Variants in PDE11A observed in about 807,000 individuals in gnomAD.
The protein encoded by PDE11A is phosphodiesterase 11A, also known as dual 3',5'-cyclic-AMP and -GMP phosphodiesterase 11A.
PDE11A carries 100 observed loss-of-function variants against 100.5 expected under a neutral mutation model. That is an observed-to-expected ratio of 1.00 (90% confidence interval 0.85 to 1.18). The LOEUF (loss-of-function observed/expected upper bound fraction) is 1.18, where lower values mean the gene tolerates loss of function less well. PDE11A is among the 50% of genes most tolerant of loss of function. The probability of loss-of-function intolerance (pLI) is 0.00; values close to 1 mark genes in which losing one functional copy is unlikely to be tolerated. For missense variants in PDE11A, 1,141 were observed against 1,152.6 expected (o/e 0.99, Z 0.15); for synonymous variants, 381 against 420.8 (o/e 0.91, Z 1.16).
chr2:177,833,404 G>A (rs2083341924), intron 6 of PDE11A, among the ~76,000 whole-genome samples: 1 of 152,190 alleles, frequency 6.6e-6, no homozygotes, highest in Admixed American at 6.5e-5. Context: ...ATGTACCTGT[G>A]AGGAAGGAGA....
intron 1 of PDE11A, among the ~76,000 whole-genome samples, chr2:178,056,343 G>C (rs998124654): frequency 2.0e-5 from 3 of 152,194 alleles, no homozygotes; most frequent in Admixed American, 1.3e-4. Context: ...CAATGAGCCT[G>C]AGAATTGCTG....
chr2:177,885,124 T>C (rs1161812060), intron 4 of PDE11A, among the ~76,000 whole-genome samples: 1 of 152,128 alleles, frequency 6.6e-6, no homozygotes, highest in Non-Finnish European at 1.5e-5. Flanking sequence ...TGTGAGTTGA[T>C]TTACTATATT....
intron 2 of PDE11A, among the ~76,000 whole-genome samples, chr2:177,918,108 C>T (rs566558431): frequency 1.4e-4 from 21 of 152,248 alleles, no homozygotes; most frequent in Middle Eastern, 3.4e-3. Flanking sequence ...GGCCTAACAA[C>T]AAACAAAACT....
At chr2:177,885,454 A>G (rs2084416138) in intron 4 of PDE11A, among the ~76,000 whole-genome samples, 1 of 152,170 alleles carries the variant, frequency 6.6e-6, no homozygotes, top group Non-Finnish European at 1.5e-5. Flanking sequence ...ACCAATACCC[A>G]ACAGATACTG....
At chr2:177,886,842 G>A (rs1184626038) in intron 4 of PDE11A, among the ~76,000 whole-genome samples, 1 of 152,152 alleles carries the variant, frequency 6.6e-6, no homozygotes, top group Non-Finnish European at 1.5e-5. Flanking sequence ...TTTAGAGATT[G>A]AAAGGAAGAG....
chr2:177,673,352 A>G (rs750784109), intron 17 of PDE11A, among the ~76,000 whole-genome samples: 1 of 152,146 alleles, frequency 6.6e-6, no homozygotes, highest in Non-Finnish European at 1.5e-5. Context: ...GGAGGATTGA[A>G]AGGTCAAGGG....
At chr2:178,093,111 A>C (rs930270095) in intron 2 of PDE11A, 4 of 152,220 alleles carry the variant, frequency 2.6e-5, no homozygotes, top group African/African-American at 9.6e-5. Context: ...CTGACCTATA[A>C]GAAATTTCCA....
intron 2 of PDE11A, among the ~76,000 whole-genome samples, chr2:177,993,970 CT>C (rs1229024691): frequency 6.8e-6 from 1 of 147,874 alleles, no homozygotes; most frequent in Non-Finnish European, 1.5e-5. Flanking sequence ...GAGTCTCACT[CT>C]GTTGCCCAGG....
intron 16 of PDE11A, among the ~76,000 whole-genome samples, chr2:177,678,510 T>C (rs1027792420): frequency 3.9e-5 from 6 of 152,248 alleles, no homozygotes; most frequent in African/African-American, 1.4e-4. Context: ...TTAGGAGGTA[T>C]ATCTCACCAT....
intron 19 of PDE11A, among the ~76,000 whole-genome samples, chr2:177,658,534 T>G (rs2080425417): frequency 6.7e-6 from 1 of 150,120 alleles, no homozygotes; most frequent in Non-Finnish European, 1.5e-5. Context: ...TTCCCTACAT[T>G]CCTCCCTTCC....
At chr2:177,707,184 A>G (rs1347639147) in intron 13 of PDE11A, among the ~76,000 whole-genome samples, 1 of 152,166 alleles carries the variant, frequency 6.6e-6, no homozygotes, top group Non-Finnish European at 1.5e-5. Flanking sequence ...GGGCAAGTTT[A>G]CTTACCTTCC....
At chr2:178,084,037 G>A (rs1186512782) in intron 2 of PDE11A, among the ~76,000 whole-genome samples, 2 of 152,036 alleles carry the variant, frequency 1.3e-5, no homozygotes, top group East Asian at 1.9e-4. Flanking sequence ...ATTCTTGTAT[G>A]TATAGAAAAA....
chr2:177,887,385 AG>A (rs1301102475), intron 4 of PDE11A, among the ~76,000 whole-genome samples: 1 of 152,194 alleles, frequency 6.6e-6, no homozygotes, highest in Non-Finnish European at 1.5e-5. Context: ...TTAAGAATAT[AG>A]ATGACTTGGA....
At position 177,917,784 on chromosome 2, in the gene PDE11A, T is replaced by C. The variant is rs143528455; in HGVS notation, c.1072-12597A>G. Among the ~76,000 whole-genome samples, 1,290 of 152,324 alleles carry C rather than the reference T, an allele frequency of 8.5e-3. 12 individuals carry two copies. The highest frequency in any genetic ancestry group is 0.015 in the Non-Finnish European group (1,011 of 68,028). On this transcript the variant is annotated intron_variant, in intron 2 of 19. Transcript: ENST00000286063. ...GACCCAGAGGGGATTATTCTACTTA[T>C]ATATCTTTTTTTTAATTTCCAAAAT...
At chr2:177,963,883 G>A (rs191390147) in intron 2 of PDE11A, among the ~76,000 whole-genome samples, 1 of 152,194 alleles carries the variant, frequency 6.6e-6, no homozygotes, top group Non-Finnish European at 1.5e-5. Context: ...TTAGGTACAG[G>A]GGAAGTACTC....
intron 10 of PDE11A, among the ~76,000 whole-genome samples, chr2:177,753,633 C>T (rs1426322541): frequency 2.6e-5 from 4 of 151,798 alleles, no homozygotes; most frequent in Non-Finnish European, 5.9e-5. Flanking sequence ...TGGGGACTTG[C>T]TTTGCATTTA....
At chr2:177,642,957 G>A (rs981113033) in intron 19 of PDE11A, among the ~76,000 whole-genome samples, 1 of 152,144 alleles carries the variant, frequency 6.6e-6, no homozygotes, top group Admixed American at 6.6e-5. Context: ...CTCTTTGCCT[G>A]CTGCCATCCA....
At chr2:178,006,760 A>G (rs2086216779) in intron 2 of PDE11A, among the ~76,000 whole-genome samples, 1 of 152,072 alleles carries the variant, frequency 6.6e-6, no homozygotes, top group African/African-American at 2.4e-5. Flanking sequence ...AAACGGCATT[A>G]TAAAATTTGA....
chr2:177,835,389 G>A (rs1221471354), intron 6 of PDE11A, among the ~76,000 whole-genome samples: 1 of 151,860 alleles, frequency 6.6e-6, no homozygotes, highest in African/African-American at 2.4e-5. Flanking sequence ...TCTTCACAGA[G>A]GGGTAATTGT....
Sources: gnomAD v4.1 joint callset for allele counts (sites outside exome capture counted in the v4.1 genomes callset) on GRCh38, gnomAD v4.1.1 for gene constraint, MANE v1.5 for transcripts, NCBI Gene and HGNC (gene_info 2026-07-23, HGNC 2026-07-21) for gene names.